The following CCDC88C variants were observed in gnomAD, a reference collection of about 807,000 sequenced individuals.
CCDC88C encodes coiled-coil and HOOK domain protein 88C.
Under a neutral mutation model 198.8 loss-of-function variants are expected in CCDC88C, and 131 were observed. The observed-to-expected ratio is 0.66, with a 90% CI of 0.57 to 0.76. The LOEUF (loss-of-function observed/expected upper bound fraction) is 0.76, where lower values mean the gene tolerates loss of function less well. Ranked by LOEUF, CCDC88C falls within the 30% of genes least tolerant of loss-of-function variation. The pLI, the probability that CCDC88C is intolerant of heterozygous loss-of-function variation, is 0.00. For missense variants in CCDC88C, 2,553 were observed against 2,631.6 expected (o/e 0.97, Z 0.65); for synonymous variants, 1,166 against 1,114.7 (o/e 1.05, Z -0.92).
At chr14:91,293,451 GGTCCACCTTCCCAT>G (rs1890809666) in intron 23 of CCDC88C, among the ~76,000 whole-genome samples, 1 of 1,300 alleles carries the variant, frequency 7.7e-4, no homozygotes, top group African/African-American at 3.3e-3. Context: ...CACCTGCCAC[GGTCCACCTTCCCAT>G]CCTCACCTGC....
rs10147454 is a variant in CCDC88C, at chr14:91,325,417, G to C, written c.1197+493C>G. On this transcript the variant is annotated intron_variant, in intron 11 of 29. Transcript: ENST00000389857. The surrounding 1 kb of genome is among the most constrained non-coding windows in gnomAD (Gnocchi z 4.1). ...TGTTTGTGGGTGTTAAGTGGCACCC[G>C]CTCAAGCCTGCTGATTTTAGCAAGC... 6.6e-6 allele frequency among the ~76,000 whole-genome samples: 1 copy of C among 151,896 alleles called. No homozygotes were observed. The highest frequency in any genetic ancestry group is 2.4e-5 in the African/African-American group (1 of 41,306).
chr14:91,289,405 G>T, intron 24 of CCDC88C, 62 bp from the exon 25 acceptor site: 2 of 1,424,226 alleles, frequency 1.4e-6, no homozygotes, highest in Non-Finnish European at 2.0e-6. Context: ...GTGGGTCCCT[G>T]GTTCCCTAAC....
At chr14:91,293,924 GAGAAA>G (rs1317574652) in intron 23 of CCDC88C, among the ~76,000 whole-genome samples, 2 of 152,220 alleles carry the variant, frequency 1.3e-5, no homozygotes, top group Non-Finnish European at 2.9e-5. Context: ...TCTAGAAGCA[GAGAAA>G]AGAAGTTTCT....
chr14:91,366,488 A>T (rs1260034098), intron 3 of CCDC88C, among the ~76,000 whole-genome samples: 1 of 149,738 alleles, frequency 6.7e-6, no homozygotes, highest in East Asian at 1.9e-4. Flanking sequence ...GGTCTAAAAA[A>T]ATATAAAAAT....
In CCDC88C at chr14:91,313,674, C is replaced by T; in HGVS notation, c.2142G>A (p.Glu714=). The T allele has an allele frequency of 1.9e-6, 3 of 1,612,102 alleles. No homozygotes were observed. The highest frequency in any genetic ancestry group is 2.5e-6 in the Non-Finnish European group (3 of 1,179,892). The change falls in exon 15 of 30, where the codon GAG becomes GAA. Residue 714 remains glutamate (E), a synonymous_variant. Transcript: ENST00000389857. This position sits in a 1 kb window ranked among gnomAD's most constrained non-coding sequence, Gnocchi z 5.2. Reference sequence around the variant, plus strand: ...GCTTGGTGCTGGTGAAGCGCATGGTCTCCACCAGCCTGCGCAGCTCCAGGT... The same window carrying T: ...GCTTGGTGCTGGTGAAGCGCATGGTTTCCACCAGCCTGCGCAGCTCCAGGT... ...AENLELRRLV[E]TMRFTSTKLA...
At chr14:91,328,723 G>C (rs1455486715) in intron 10 of CCDC88C, among the ~76,000 whole-genome samples, 3 of 152,186 alleles carry the variant, frequency 2.0e-5, no homozygotes, top group Non-Finnish European at 4.4e-5. Context: ...AAGACAGGGT[G>C]ACGCGGAGCT....
chr14:91,376,557 G>A (rs1884428736), intron 3 of CCDC88C, among the ~76,000 whole-genome samples: 1 of 152,252 alleles, frequency 6.6e-6, no homozygotes, highest in South Asian at 2.1e-4. Flanking sequence ...GCACAGGGAG[G>A]CTCTAAACAA....
At chr14:91,295,505 C>T (rs1481758361) in intron 22 of CCDC88C, among the ~76,000 whole-genome samples, 1 of 152,070 alleles carries the variant, frequency 6.6e-6, no homozygotes, top group Non-Finnish European at 1.5e-5. Flanking sequence ...CCTGTGTGGC[C>T]GGGGGGGCCC....
chr14:91,387,086 A>G (rs1302444340), intron 3 of CCDC88C, among the ~76,000 whole-genome samples: 1 of 152,150 alleles, frequency 6.6e-6, no homozygotes, highest in African/African-American at 2.4e-5. Context: ...ATGCAGAGTG[A>G]CTCGCCCAAA....
chr14:91,363,280 C>T (rs1894390098), intron 3 of CCDC88C, among the ~76,000 whole-genome samples: 1 of 145,888 alleles, frequency 6.9e-6, no homozygotes, highest in African/African-American at 2.5e-5. Context: ...TATTATTTTA[C>T]TTTTTTTTTT....
chr14:91,304,015 C>T (rs748232926), intron 19 of CCDC88C, 37 bp from the exon 20 acceptor site: 1 of 1,582,448 alleles, frequency 6.3e-7, no homozygotes, highest in Non-Finnish European at 8.6e-7. Context: ...GCGCAGGCCC[C>T]ACAGTCAGCG....
rs112528406 is a variant in CCDC88C, at chr14:91,282,787, G to A, written c.4630+542C>T. 6.4e-3 allele frequency among the ~76,000 whole-genome samples: 977 copies of A among 152,242 alleles called. 5 individuals are homozygous for A. The highest frequency in any genetic ancestry group is 0.017 in the Middle Eastern group (5 of 294). On this transcript the variant is annotated intron_variant, in intron 26 of 29. Coordinates refer to ENST00000389857, the MANE Select transcript of CCDC88C (RefSeq NM_001080414.4). Reference sequence around the variant, plus strand: ...AGACGCTATCCTTTCTTGGCCAGGTGTAGTGGCTCAACACCTGTAATTCCA... The same window carrying A: ...AGACGCTATCCTTTCTTGGCCAGGTATAGTGGCTCAACACCTGTAATTCCA...
intron 4 of CCDC88C, among the ~76,000 whole-genome samples, chr14:91,348,379 G>T (rs56060876): frequency 0.059 from 8,861 of 151,154 alleles, 307 homozygotes; most frequent in South Asian, 0.093. Context: ...TTGGGAGGCT[G>T]AGGTAGGAGG....
At chr14:91,408,845 T>C (rs537813269) in intron 2 of CCDC88C, 78 bp from the exon 3 acceptor site, 3 of 926,180 alleles carry the variant, frequency 3.2e-6, no homozygotes, top group African/African-American at 3.2e-5. Flanking sequence ...CGACCCAGCA[T>C]CTTGTCCTCC....
intron 20 of CCDC88C, among the ~76,000 whole-genome samples, chr14:91,302,905 C>T (rs1379979624): frequency 2.6e-5 from 4 of 152,146 alleles, no homozygotes; most frequent in African/African-American, 9.7e-5. Context: ...AGAAAAGAGA[C>T]AGAAGAGAAC....
At chr14:91,280,966 A>T (rs1371588783) in intron 27 of CCDC88C, among the ~76,000 whole-genome samples, 1 of 152,112 alleles carries the variant, frequency 6.6e-6, no homozygotes, top group Non-Finnish European at 1.5e-5. Context: ...TTCAAAAATT[A>T]AACCAAAGCA....
intron 10 of CCDC88C, among the ~76,000 whole-genome samples, chr14:91,328,611 G>A (rs1272592737): frequency 1.3e-5 from 2 of 152,204 alleles, no homozygotes; most frequent in Non-Finnish European, 2.9e-5. Flanking sequence ...ATCTGCCACT[G>A]CGACTTGGGG....
intron 17 of CCDC88C, among the ~76,000 whole-genome samples, chr14:91,308,095 C>T (rs773509621): frequency 2.0e-5 from 3 of 152,210 alleles, no homozygotes; most frequent in Non-Finnish European, 2.9e-5. Flanking sequence ...GGGGTGTTCC[C>T]GTATCTTGCC....
chr14:91,373,456 T>C (rs1894924871), intron 3 of CCDC88C, among the ~76,000 whole-genome samples: 1 of 152,108 alleles, frequency 6.6e-6, no homozygotes, highest in South Asian at 2.1e-4. Flanking sequence ...GTCTCCAGCA[T>C]GGATAAATAA....
Sources: allele counts gnomAD v4.1 joint callset (sites outside exome capture counted in the v4.1 genomes callset), GRCh38; gene constraint gnomAD v4.1.1; non-coding constraint Gnocchi (gnomAD v3.1); transcripts MANE v1.5; gene names NCBI Gene and HGNC (gene_info 2026-07-23, HGNC 2026-07-21).